MYH10: variants seen among roughly 807,000 people sequenced by gnomAD.
The protein encoded by MYH10 is myosin-10.
A neutral mutation model predicts 257.8 loss-of-function variants in MYH10; 55 were observed. That is an observed-to-expected ratio of 0.21 (90% CI 0.17 to 0.27). The LOEUF (loss-of-function observed/expected upper bound fraction) is 0.27. MYH10 is among the 10% of genes least tolerant of loss of function. The pLI, the probability that MYH10 is intolerant of heterozygous loss-of-function variation, is 1.00. For missense variants in MYH10, 1,631 were observed against 2,500.6 expected (o/e 0.65, Z 7.42); for synonymous variants, 854 against 921.7 (o/e 0.93, Z 1.33).
chr17:8,574,185 G>C (rs2152012881), intron 6 of MYH10, among the ~76,000 whole-genome samples: 1 of 152,258 alleles, frequency 6.6e-6, no homozygotes, highest in South Asian at 2.1e-4. Context: ...TAATATTATG[G>C]AATATTATTT....
Position 8,506,991 on chromosome 17 carries a change from A to C in MYH10, c.3215-502T>G, listed in dbSNP as rs2081094574. ...AGGCCTTTTCTCCACCCTCCCCTCT[A>C]AAATTCTGCAGTGATCTCTCAGTTA... On this transcript the variant is annotated intron_variant, in intron 26 of 42. Coordinates refer to ENST00000360416, the MANE Select transcript of MYH10 (RefSeq NM_001256012.3). The surrounding 1 kb of genome is among the most constrained non-coding windows in gnomAD (Gnocchi z 5.0). Among the ~76,000 whole-genome samples the C allele has an allele frequency of 6.6e-6, 1 of 152,150 alleles. No individual in the cohort carries two copies. The highest frequency in any genetic ancestry group is 2.4e-5 in the African/African-American group (1 of 41,436).
Position 8,623,177 on chromosome 17 carries a change from G to C in MYH10, c.70C>G (p.Pro24Ala). 1.2e-6 allele frequency: 2 copies of C among 1,613,342 alleles called. No individual in the cohort carries two copies. The highest frequency in any genetic ancestry group is 2.2e-5 in the East Asian group (1 of 44,870). Residue 24 changes from proline (P) to alanine (A), a missense_variant, in exon 2 of 43, where the codon CCT (proline) becomes GCT (alanine). Transcript: ENST00000360416. ...LFVDRAVIYN[P>A]ATQADWTAKK... ...GCTGTCCAATCAGCTTGAGTGGCAG[G>C]GTTGTAGATGACAGCCCTGTCCACA...
At chr17:8,619,194 T>C (rs981171441) in intron 2 of MYH10, among the ~76,000 whole-genome samples, 1 of 152,226 alleles carries the variant, frequency 6.6e-6, no homozygotes, top group Non-Finnish European at 1.5e-5. Context: ...AAGGTTGAGA[T>C]TTAATAAAAT....
At chr17:8,544,003 T>C (rs1346399855) in intron 13 of MYH10, among the ~76,000 whole-genome samples, 3 of 152,256 alleles carry the variant, frequency 2.0e-5, no homozygotes, top group Admixed American at 6.5e-5. Flanking sequence ...TGTGTGTATG[T>C]GTGTGACCCT....
At chr17:8,571,368 G>T (rs1440014706) in intron 6 of MYH10, among the ~76,000 whole-genome samples, 1 of 151,270 alleles carries the variant, frequency 6.6e-6, no homozygotes, top group African/African-American at 2.4e-5. Context: ...TAGAGACGGG[G>T]TTTCACCATG....
intron 17 of MYH10, among the ~76,000 whole-genome samples, chr17:8,523,774 G>C (rs2081739507): frequency 6.6e-6 from 1 of 152,200 alleles, no homozygotes; most frequent in Non-Finnish European, 1.5e-5. Flanking sequence ...GATTCAACAG[G>C]TATTTTAGTG....
At chr17:8,590,222 T>A (rs2084071994) in intron 3 of MYH10, among the ~76,000 whole-genome samples, 1 of 152,250 alleles carries the variant, frequency 6.6e-6, no homozygotes, top group Non-Finnish European at 1.5e-5. Flanking sequence ...CTTTTTTACA[T>A]AATATTATTA....
chr17:8,620,941 T>G (rs543650450), intron 2 of MYH10, among the ~76,000 whole-genome samples: 103 of 152,282 alleles, frequency 6.8e-4, no homozygotes, highest in Non-Finnish European at 1.2e-3. Context: ...ATGAGTTAAG[T>G]TGGAAAAAAA....
chr17:8,605,295 T>C (rs1458536695), intron 2 of MYH10, among the ~76,000 whole-genome samples: 2 of 152,226 alleles, frequency 1.3e-5, no homozygotes, highest in Non-Finnish European at 1.5e-5. Flanking sequence ...TTATTTACTT[T>C]TTTACATTCA....
At chr17:8,486,844 C>T (rs1036608846) in intron 36 of MYH10, among the ~76,000 whole-genome samples, 2 of 152,186 alleles carry the variant, frequency 1.3e-5, no homozygotes, top group African/African-American at 4.8e-5. Flanking sequence ...AATAACAAAA[C>T]TTCTGCTAAA....
chr17:8,521,790 T>C (rs1351282649), intron 17 of MYH10, among the ~76,000 whole-genome samples: 2 of 152,332 alleles, frequency 1.3e-5, no homozygotes, highest in East Asian at 3.9e-4. Context: ...AGAAAAGTCA[T>C]TCAAGTTTTA....
At chr17:8,494,293 C>G (rs1158144382) in intron 31 of MYH10, among the ~76,000 whole-genome samples, 2 of 152,228 alleles carry the variant, frequency 1.3e-5, no homozygotes, top group African/African-American at 4.8e-5. Flanking sequence ...TTAGGCATCC[C>G]TCAGTTATCG....
At chr17:8,507,382 CTGGTGA>C (rs2081106611) in intron 26 of MYH10, among the ~76,000 whole-genome samples, 1 of 152,258 alleles carries the variant, frequency 6.6e-6, no homozygotes, top group African/African-American at 2.4e-5. Flanking sequence ...CTCCCTCCCC[CTGGTGA>C]TGGTACCAGT....
At chr17:8,520,619 G>A (rs1157307286) in intron 19 of MYH10, among the ~76,000 whole-genome samples, 1 of 152,322 alleles carries the variant, frequency 6.6e-6, no homozygotes. Context: ...TCAGGGCCCT[G>A]AAAACATGGC....
intron 17 of MYH10, among the ~76,000 whole-genome samples, chr17:8,526,075 G>A (rs1381162334): frequency 6.6e-6 from 1 of 152,182 alleles, no homozygotes; most frequent in Non-Finnish European, 1.5e-5. Flanking sequence ...ACAGGCGTGA[G>A]CCACCGCGCC....
At chr17:8,512,969 A>AT (rs1299777620) in intron 23 of MYH10, among the ~76,000 whole-genome samples, 1 of 152,190 alleles carries the variant, frequency 6.6e-6, no homozygotes, top group East Asian at 1.9e-4. Flanking sequence ...CATAAAGTTC[A>AT]TGGTGATTAC....
intron 3 of MYH10, among the ~76,000 whole-genome samples, chr17:8,590,380 T>G (rs957440499): frequency 2.0e-5 from 3 of 152,150 alleles, no homozygotes; most frequent in African/African-American, 7.2e-5. Context: ...TGGTGTGATC[T>G]CAGCTCACTG....
Position 8,520,981 on chromosome 17 carries a change from G to A in MYH10, c.2170C>T (p.His724Tyr). ...HEKRAGKLDP[H>Y]LVLDQLRCNG... is the part of the protein sequence containing the mutation. ...CAGCGAAGCTGATCTAGGACTAGGT[G>A]TGGATCCAATTTTCCAGCCTAATCA... Residue 724 changes from histidine (H) to tyrosine (Y), a missense_variant, in exon 19 of 43, where the codon CAC becomes TAC. His to Tyr is a moderately conservative substitution (Grantham distance 83). This residue lies in a region of MYH10 where 96 missense variants were observed against 146.2 expected (regional missense o/e 0.66). Coordinates refer to ENST00000360416, the MANE Select transcript of MYH10 (RefSeq NM_001256012.3). The A allele has an allele frequency of 6.2e-7, 1 of 1,612,540 alleles. No individual in the cohort carries two copies. The highest frequency in any genetic ancestry group is 8.5e-7 in the Non-Finnish European group (1 of 1,178,660).
chr17:8,577,386 T>C (rs1332681345), intron 4 of MYH10, 48 bp from the exon 5 acceptor site: 1 of 1,158,662 alleles, frequency 8.6e-7, no homozygotes, highest in Admixed American at 2.0e-5. Flanking sequence ...GCACAGCACA[T>C]GCATTCCAAA....
Sources: gnomAD v4.1 joint callset for allele counts (sites outside exome capture counted in the v4.1 genomes callset) on GRCh38, gnomAD v4.1.1 for gene constraint, gnomAD v4.1.1 regional missense constraint, Gnocchi (gnomAD v3.1) non-coding constraint, MANE v1.5 for transcripts, NCBI Gene and HGNC (gene_info 2026-07-23, HGNC 2026-07-21) for gene names.